KCTD15: variants seen among roughly 807,000 people sequenced by gnomAD.
KCTD15 encodes BTB/POZ domain-containing protein KCTD15.
Under a neutral mutation model 27.2 loss-of-function variants are expected in KCTD15, and 11 were observed. That is an observed-to-expected ratio of 0.41 (90% confidence interval 0.25 to 0.67). The LOEUF (loss-of-function observed/expected upper bound fraction) is 0.67, where lower values mean the gene tolerates loss of function less well. Among genes scored for constraint, KCTD15 ranks in the 30% least tolerant of loss-of-function variants. KCTD15 has a pLI of 0.35. For missense variants in KCTD15, 350 were observed against 409.3 expected, an observed-to-expected ratio of 0.86 and a Z score of 1.25; for synonymous variants, 163 against 176.0, an observed-to-expected ratio of 0.93 and a Z score of 0.58.
In KCTD15 at chr19:33,814,493, G is replaced by C. The variant is rs2145508340; in HGVS notation, c.*1545G>C. The C allele has an allele frequency of 6.6e-6, 1 of 152,314 alleles. No individual in the cohort carries two copies. The highest frequency in any genetic ancestry group is 1.9e-4 in the East Asian group (1 of 5,180). The allele number at this position is 152,314 out of a possible 1,614,324, so 9.4% of individuals were successfully genotyped here. On this transcript the variant is annotated 3_prime_UTR_variant, in exon 7 of 7. Transcript: ENST00000683859. ...TGATTCACAGTCCCTAGCCAGATGG[G>C]AACTGGGAAAGAGACAGAAGGCGTC...
At chr19:33,810,088 C>T (rs1260913034) in intron 5 of KCTD15, among the ~76,000 whole-genome samples, 3 of 152,152 alleles carry the variant, frequency 2.0e-5, no homozygotes, top group Non-Finnish European at 4.4e-5. Context: ...GGCTTCCTTG[C>T]CTCTTCCTCA....
chr19:33,806,367 G>A (rs1180167179), intron 4 of KCTD15, among the ~76,000 whole-genome samples: 2 of 152,218 alleles, frequency 1.3e-5, no homozygotes, highest in African/African-American at 4.8e-5. Context: ...GCACAGGCCT[G>A]TGTGTCTCAC....
At chr19:33,794,530 G>T (rs1975263901), upstream of KCTD15, among the ~76,000 whole-genome samples, 2 of 152,226 alleles carry the variant, frequency 1.3e-5, no homozygotes, top group African/African-American at 4.8e-5. Context: ...TGTGAGGGGC[G>T]CTGGGGGCCA....
chr19:33,802,005 C>T (rs75088157), intron 4 of KCTD15, among the ~76,000 whole-genome samples: 1,894 of 152,274 alleles, frequency 0.012, 115 homozygotes, highest in East Asian at 0.12. Context: ...CAGGCACCCT[C>T]CATGCTGCTG....
intron 3 of KCTD15, among the ~76,000 whole-genome samples, chr19:33,800,926 T>A (rs1975517582): frequency 6.6e-6 from 1 of 152,228 alleles, no homozygotes; most frequent in Non-Finnish European, 1.5e-5. Flanking sequence ...TTTTCTTGAT[T>A]TCTTATTGCT....
intron 6 of KCTD15, 123 bp from the exon 7 acceptor site, chr19:33,812,667 T>G: frequency 7.2e-7 from 1 of 1,385,056 alleles, no homozygotes; most frequent in South Asian, 1.7e-5. Flanking sequence ...TGAGCAAGAC[T>G]GAGATCGTCA....
At chr19:33,802,859 C>T (rs1181444070) in intron 4 of KCTD15, among the ~76,000 whole-genome samples, 1 of 152,242 alleles carries the variant, frequency 6.6e-6, no homozygotes, top group South Asian at 2.1e-4. Context: ...CAGAGAGTTG[C>T]CTGTCTGGAG....
intron 6 of KCTD15, chr19:33,811,838 AT>A: frequency 6.2e-7 from 1 of 1,605,858 alleles, no homozygotes; most frequent in Non-Finnish European, 8.5e-7. Context: ...AGCGTGCTTC[AT>A]TTGACACCCA....
upstream of KCTD15, among the ~76,000 whole-genome samples, chr19:33,796,688 G>C (rs1487364820): frequency 1.4e-5 from 2 of 147,628 alleles, no homozygotes; most frequent in African/African-American, 2.5e-5. Flanking sequence ...AGGGCAGCCG[G>C]AGAGCGGCGC....
At chr19:33,795,475 C>T (rs1348729266), upstream of KCTD15, among the ~76,000 whole-genome samples, 2 of 151,998 alleles carry the variant, frequency 1.3e-5, no homozygotes, top group African/African-American at 4.8e-5. Flanking sequence ...AGGGGGCGTC[C>T]AGGCCCGGCC....
rs892481596 is a variant in KCTD15 at position 33,815,246 on chromosome 19, A to T, written c.*2298A>T. 6.6e-6 allele frequency: 1 copy of T among 152,190 alleles called. No homozygotes were observed. The highest frequency in any genetic ancestry group is 1.5e-5 in the Non-Finnish European group (1 of 68,034). 9.4% of individuals were successfully genotyped at this position (152,190 alleles called of 1,614,324 possible). ...ACTCTACCTGACTAAATGTTACTCTAATTTATTTATTTCTTTACTAATTAA... is the reference window on the plus strand; with the variant it reads ...ACTCTACCTGACTAAATGTTACTCTTATTTATTTATTTCTTTACTAATTAA... On this transcript the variant is annotated 3_prime_UTR_variant, in exon 7 of 7. Transcript: ENST00000683859.
chr19:33,797,261 TGTGTGTGTGTGTGTGTGTGTGTGCGC>T (rs1192326001), intron 1 of KCTD15: 1 of 266,472 alleles, frequency 3.8e-6, no homozygotes, highest in Non-Finnish European at 7.3e-6. Context: ...TGTGTGTGTG[TGTGTGTGTGTGTGTGTGTGTGTGCGC>T]GCGCGCGCGC....
intron 1 of KCTD15, 40 bp from the exon 2 acceptor site, chr19:33,798,628 G>T (rs1299379987): frequency 6.5e-6 from 1 of 152,748 alleles, no homozygotes; most frequent in Non-Finnish European, 1.5e-5. Flanking sequence ...GAATGAACTT[G>T]TATCTCTCAC....
At position 33,814,564 on chromosome 19, in the gene KCTD15, C is replaced by T. The variant is rs1255307668; in HGVS notation, c.*1616C>T. ...CTCAAATGTTTGGGATTTTCTCTCT[C>T]ACTATTCTTTGGTTGGGGATGATGT... On this transcript the variant is annotated 3_prime_UTR_variant, in exon 7 of 7. Transcript: ENST00000683859. The T allele has an allele frequency of 6.6e-6, 1 of 152,192 alleles. No homozygotes were observed. Among genetic ancestry groups the T allele is most frequent in the Non-Finnish European group, 1.5e-5 (1 of 68,042 alleles). 9.4% of individuals were successfully genotyped at this position (152,192 alleles called of 1,614,324 possible). A position where few individuals can be genotyped will look rare whatever the true frequency, so the allele number is the denominator to read the frequency against.
chr19:33,804,363 G>A (rs370334206), intron 4 of KCTD15, among the ~76,000 whole-genome samples: 1 of 152,234 alleles, frequency 6.6e-6, no homozygotes, highest in Non-Finnish European at 1.5e-5. Flanking sequence ...GAATGTGGGT[G>A]CATCAGGAGT....
rs139417360 is a variant in KCTD15, at chr19:33,806,977, G to T, written c.357G>T (p.Thr119=). 7.4e-6 allele frequency: 12 copies of T among 1,614,002 alleles called. No homozygotes were observed. Among genetic ancestry groups the T allele is most frequent in the South Asian group, 3.3e-5 (3 of 91,090 alleles). The part of the protein sequence containing the change: ...IFRYVLSFLR[T]SKLLLPDDFK... ...GCTACGTCCTGAGCTTCCTGCGGAC[G>T]TCCAAGCTGCTGCTTCCGGATGACT... The change falls in exon 5 of 7, where the codon ACG becomes ACT. Residue 119 remains threonine, a synonymous_variant. Coordinates refer to ENST00000683859, the MANE Select transcript of KCTD15 (RefSeq NM_001129994.2).
chr19:33,806,994 C>T lies in KCTD15; in HGVS notation c.374C>T (p.Pro125Leu). The T allele has an allele frequency of 1.9e-6, 3 of 1,614,058 alleles. No homozygotes were observed. The highest frequency in any genetic ancestry group is 1.7e-6 in the Non-Finnish European group (2 of 1,179,994). ...SFLRTSKLLL[P>L]DDFKDFSLLY... Reference sequence around the variant, plus strand: ...CTGCGGACGTCCAAGCTGCTGCTTCCGGATGACTTTAAGGTAAGTCCATGG... The same window carrying T: ...CTGCGGACGTCCAAGCTGCTGCTTCTGGATGACTTTAAGGTAAGTCCATGG... The change falls in exon 5 of 7, where the codon CCG (proline) becomes CTG (leucine). Residue 125 changes from proline (P) to leucine (L), a missense_variant. Pro to Leu is a moderately conservative substitution (Grantham distance 98). Around this residue, in one of 3 missense-constraint regions of KCTD15, gnomAD observed 219 missense variants for 234.9 expected, o/e 0.93. Transcript: ENST00000683859.
Position 33,809,272 on chromosome 19 carries a change from A to G in KCTD15, c.388-1975A>G, listed in dbSNP as rs749183382. On this transcript the variant is annotated intron_variant, in intron 5 of 6. Coordinates refer to ENST00000683859, the MANE Select transcript of KCTD15 (RefSeq NM_001129994.2). ...AGCCTGGGCAACAGAGCAAGGTTTC[A>G]TAAGTAAATAAATAAACTTTACTTT... Among the ~76,000 whole-genome samples, 6 of 152,144 alleles carry G rather than the reference A, an allele frequency of 3.9e-5. No homozygotes were observed. In the South Asian group the frequency reaches 8.3e-4, roughly 21 times the overall value.
chr19:33,799,981 C>T (rs1341395748), intron 2 of KCTD15, among the ~76,000 whole-genome samples: 1 of 152,146 alleles, frequency 6.6e-6, no homozygotes, highest in Non-Finnish European at 1.5e-5. Context: ...CCTAGGTTCC[C>T]TGGCCCATGG....
Sources: allele counts gnomAD v4.1 joint callset (sites outside exome capture counted in the v4.1 genomes callset), GRCh38; gene constraint gnomAD v4.1.1; regional missense constraint gnomAD v4.1.1; transcripts MANE v1.5; gene names NCBI Gene and HGNC (gene_info 2026-07-23, HGNC 2026-07-21).